Variants in QTMAN observed in about 807,000 individuals in gnomAD.
The protein encoded by QTMAN is queuosine-tRNA mannosyltransferase.
chr2:144,318,693 G>T, the QTMAN span, among the ~76,000 whole-genome samples: 1 of 152,160 alleles, frequency 6.6e-6, no homozygotes, highest in Non-Finnish European at 1.5e-5. Context: ...AAATTGAATA[G>T]TATATCCTTT....
the QTMAN span, among the ~76,000 whole-genome samples, chr2:144,241,708 T>C: frequency 6.6e-6 from 1 of 152,214 alleles, no homozygotes; most frequent in African/African-American, 2.4e-5. Context: ...TTTCTTTCTG[T>C]CTTCCTTTCT....
At chr2:144,088,715 T>C in the QTMAN span, among the ~76,000 whole-genome samples, 2 of 151,960 alleles carry the variant, frequency 1.3e-5, no homozygotes, top group Non-Finnish European at 2.9e-5. Context: ...GAACTTACAT[T>C]GGGGAAAGGA....
At chr2:143,953,231 TAAATA>T in the QTMAN span, among the ~76,000 whole-genome samples, 1 of 151,844 alleles carries the variant, frequency 6.6e-6, no homozygotes, top group Non-Finnish European at 1.5e-5. Flanking sequence ...CAAAAATGTT[TAAATA>T]AAATAGCAAA....
At chr2:144,293,182 T>C in the QTMAN span, among the ~76,000 whole-genome samples, 2 of 152,180 alleles carry the variant, frequency 1.3e-5, no homozygotes, top group Admixed American at 6.5e-5. Context: ...TTATGGATTT[T>C]TTGTCACACA....
the QTMAN span, among the ~76,000 whole-genome samples, chr2:144,093,280 A>G: frequency 6.6e-6 from 1 of 152,232 alleles, no homozygotes; most frequent in Non-Finnish European, 1.5e-5. Context: ...AAGCCGAGAT[A>G]CCCACAAATA....
the QTMAN span, among the ~76,000 whole-genome samples, chr2:144,144,836 A>G: frequency 6.6e-6 from 1 of 151,958 alleles, no homozygotes. Context: ...ATAAAGATAA[A>G]TAAAATGTAC....
chr2:143,976,123 G>A, the QTMAN span, among the ~76,000 whole-genome samples: 1 of 151,984 alleles, frequency 6.6e-6, no homozygotes, highest in African/African-American at 2.4e-5. Flanking sequence ...AAGAGACTGG[G>A]TCTGCATCTG....
the QTMAN span, among the ~76,000 whole-genome samples, chr2:143,973,409 TATAA>T: frequency 2.0e-5 from 3 of 152,216 alleles, no homozygotes. Context: ...AATTACATAT[TATAA>T]ATATACAAGT....
chr2:144,287,255 T>C, the QTMAN span, among the ~76,000 whole-genome samples: 10 of 152,054 alleles, frequency 6.6e-5, no homozygotes, highest in African/African-American at 2.2e-4. Flanking sequence ...GCTAACAAAG[T>C]GAAACCCCGT....
chr2:144,210,449 C>T, the QTMAN span, among the ~76,000 whole-genome samples: 1 of 152,100 alleles, frequency 6.6e-6, no homozygotes, highest in Non-Finnish European at 1.5e-5. Context: ...AATCATGATC[C>T]CCTACCCACC....
At chr2:144,146,585 C>G in the QTMAN span, among the ~76,000 whole-genome samples, 1 of 151,674 alleles carries the variant, frequency 6.6e-6, no homozygotes, top group Admixed American at 6.6e-5. Flanking sequence ...AGGATAAATG[C>G]TGCCTGTAAT....
At chr2:144,249,258 C>T in the QTMAN span, among the ~76,000 whole-genome samples, 3 of 152,092 alleles carry the variant, frequency 2.0e-5, no homozygotes, top group Non-Finnish European at 4.4e-5. Context: ...AGGATTAACT[C>T]TTTTCTGTAT....
At chr2:144,133,275 T>TTA in the QTMAN span, among the ~76,000 whole-genome samples, 15 of 63,326 alleles carry the variant, frequency 2.4e-4, no homozygotes, top group South Asian at 5.6e-3. Context: ...AAATATATAT[T>TTA]TATATATACA....
the QTMAN span, among the ~76,000 whole-genome samples, chr2:144,088,605 A>C: frequency 6.6e-6 from 1 of 152,138 alleles, no homozygotes; most frequent in South Asian, 2.1e-4. Context: ...ACAGCATGGT[A>C]TTGGTATAAA....
chr2:144,026,593 G>C, the QTMAN span, among the ~76,000 whole-genome samples: 1 of 152,020 alleles, frequency 6.6e-6, no homozygotes, highest in African/African-American at 2.4e-5. Flanking sequence ...AAATCAGTGG[G>C]GGCTCACTGT....
the QTMAN span, among the ~76,000 whole-genome samples, chr2:143,993,638 C>A: frequency 1.3e-5 from 2 of 152,092 alleles, no homozygotes; most frequent in Admixed American, 6.6e-5. Flanking sequence ...AGAAACTGAG[C>A]CTCTGGAAGG....
At chr2:144,084,335 T>C in the QTMAN span, among the ~76,000 whole-genome samples, 1 of 152,230 alleles carries the variant, frequency 6.6e-6, no homozygotes, top group Non-Finnish European at 1.5e-5. Flanking sequence ...CATCTGAGTT[T>C]CCCTTCTTAT....
the QTMAN span, among the ~76,000 whole-genome samples, chr2:144,216,260 T>G: frequency 6.6e-6 from 1 of 152,186 alleles, no homozygotes; most frequent in African/African-American, 2.4e-5. Flanking sequence ...CTTTATACTC[T>G]GTATAGTAGA....
chr2:144,039,879 A>G, the QTMAN span, among the ~76,000 whole-genome samples: 1 of 152,226 alleles, frequency 6.6e-6, no homozygotes, highest in Admixed American at 6.5e-5. Flanking sequence ...CTGAAGGTTT[A>G]GGAACCTGTA....
Sources: gnomAD v4.1 joint callset for allele counts (sites outside exome capture counted in the v4.1 genomes callset) on GRCh38, gnomAD v4.1.1 for gene constraint, MANE v1.5 for transcripts, NCBI Gene and HGNC (gene_info 2026-07-23, HGNC 2026-07-21) for gene names.